Variants in UBE2E2 observed in about 807,000 individuals in gnomAD.
UBE2E2 encodes ubiquitin conjugating enzyme E2 E2.
A neutral mutation model predicts 24.7 loss-of-function variants in UBE2E2; 6 were observed. The ratio of observed to expected loss-of-function variants is 0.24; its 90% CI spans 0.13 to 0.48. The LOEUF is 0.48. Among genes scored for constraint, UBE2E2 ranks in the 20% least tolerant of loss-of-function variants. The probability of loss-of-function intolerance (pLI) is 0.99; values close to 1 mark genes in which losing one functional copy is unlikely to be tolerated. For missense variants in UBE2E2, 169 were observed against 245.0 expected, an observed-to-expected ratio of 0.69 and a Z score of 2.07; for synonymous variants, 104 against 83.6, an observed-to-expected ratio of 1.24 and a Z score of -1.33.
chr3:23,259,231 G>A (rs1697831757), intron 3 of UBE2E2, among the ~76,000 whole-genome samples: 1 of 152,114 alleles, frequency 6.6e-6, no homozygotes, highest in Non-Finnish European at 1.5e-5. Context: ...ATATGTGTGT[G>A]TGCGTTTGTG....
At chr3:23,297,383 C>G (rs1023859844) in intron 3 of UBE2E2, among the ~76,000 whole-genome samples, 5 of 151,660 alleles carry the variant, frequency 3.3e-5, no homozygotes, top group Admixed American at 2.0e-4. Context: ...AAGTCCTTGC[C>G]CATGCCTATG....
chr3:23,440,230 C>T (rs865951070), intron 3 of UBE2E2, among the ~76,000 whole-genome samples: 2 of 152,028 alleles, frequency 1.3e-5, no homozygotes, highest in East Asian at 1.9e-4. Context: ...GCCAAGATCA[C>T]GCCACTGCAC....
chr3:23,571,256 G>GTCC (rs1342892413), intron 5 of UBE2E2, among the ~76,000 whole-genome samples: 1 of 101,296 alleles, frequency 9.9e-6, no homozygotes, highest in Non-Finnish European at 2.2e-5. Flanking sequence ...TGCTATCAGA[G>GTCC]TCCCCTCACC....
intron 3 of UBE2E2, among the ~76,000 whole-genome samples, chr3:23,353,108 A>T (rs1199824496): frequency 1.3e-5 from 2 of 152,250 alleles, no homozygotes; most frequent in East Asian, 1.9e-4. Flanking sequence ...GTACTCCAGC[A>T]TATAAACAGA....
intron 3 of UBE2E2, among the ~76,000 whole-genome samples, chr3:23,388,002 A>G (rs1216696328): frequency 1.3e-5 from 2 of 152,206 alleles, no homozygotes; most frequent in African/African-American, 4.8e-5. Context: ...ATTAAAGAGG[A>G]CAAAAAAATT....
chr3:23,508,910 C>T (rs1694519614), intron 4 of UBE2E2, among the ~76,000 whole-genome samples: 1 of 152,122 alleles, frequency 6.6e-6, no homozygotes, highest in Admixed American at 6.6e-5. Flanking sequence ...GCCTTCAGGG[C>T]TCAGAAAAGG....
intron 3 of UBE2E2, among the ~76,000 whole-genome samples, chr3:23,475,366 A>G (rs564401397): frequency 6.6e-6 from 1 of 152,116 alleles, no homozygotes; most frequent in East Asian, 1.9e-4. Context: ...TGGACATGCT[A>G]CAAGTCCTCC....
chr3:23,467,893 A>T (rs1029704869), intron 3 of UBE2E2, among the ~76,000 whole-genome samples: 1 of 152,142 alleles, frequency 6.6e-6, no homozygotes, highest in Non-Finnish European at 1.5e-5. Flanking sequence ...CCTGCAGGAG[A>T]GAGACAGTGA....
At chr3:23,552,878 A>C (rs1695675941) in intron 5 of UBE2E2, among the ~76,000 whole-genome samples, 1 of 152,246 alleles carries the variant, frequency 6.6e-6, no homozygotes, top group Non-Finnish European at 1.5e-5. Context: ...TGCTGTTTTC[A>C]ATCCAGTCTA....
intron 3 of UBE2E2, among the ~76,000 whole-genome samples, chr3:23,301,510 C>T (rs921507119): frequency 6.6e-6 from 1 of 152,218 alleles, no homozygotes; most frequent in Non-Finnish European, 1.5e-5. Context: ...AGTCAGGACC[C>T]TCAGCCGCAG....
At chr3:23,381,885 G>A (rs931660982) in intron 3 of UBE2E2, among the ~76,000 whole-genome samples, 1 of 152,178 alleles carries the variant, frequency 6.6e-6, no homozygotes, top group African/African-American at 2.4e-5. Context: ...GCCCCGGAGA[G>A]TGGAGAAGGA....
chr3:23,417,458 A>G (rs1321154103), intron 3 of UBE2E2, among the ~76,000 whole-genome samples: 2 of 152,120 alleles, frequency 1.3e-5, no homozygotes, highest in Non-Finnish European at 2.9e-5. Context: ...GATGCCAGCC[A>G]GAGCTCTTCT....
intron 3 of UBE2E2, among the ~76,000 whole-genome samples, chr3:23,354,188 A>T (rs934478120): frequency 3.3e-5 from 5 of 152,100 alleles, no homozygotes; most frequent in Non-Finnish European, 7.4e-5. Flanking sequence ...AGCCATATGT[A>T]GAAAGCTGAA....
At chr3:23,400,641 C>CACACACAT (rs954347007) in intron 3 of UBE2E2, among the ~76,000 whole-genome samples, 1 of 149,914 alleles carries the variant, frequency 6.7e-6, no homozygotes, top group African/African-American at 2.5e-5. Context: ...CACACACACA[C>CACACACAT]ATCTCAGGCC....
intron 3 of UBE2E2, among the ~76,000 whole-genome samples, chr3:23,496,376 T>C (rs1257379722): frequency 6.6e-6 from 1 of 152,112 alleles, no homozygotes; most frequent in African/African-American, 2.4e-5. Context: ...CCCAGAACCA[T>C]TGAAACTCCA....
intron 3 of UBE2E2, among the ~76,000 whole-genome samples, chr3:23,402,535 G>C (rs1475047735): frequency 6.6e-6 from 1 of 152,118 alleles, no homozygotes; most frequent in Non-Finnish European, 1.5e-5. Flanking sequence ...CTGATATTTA[G>C]TTGCTAGCCC....
At chr3:23,363,404 A>G (rs1383835244) in intron 3 of UBE2E2, among the ~76,000 whole-genome samples, 1 of 152,246 alleles carries the variant, frequency 6.6e-6, no homozygotes, top group Non-Finnish European at 1.5e-5. Flanking sequence ...TACAGGACTC[A>G]TCTCACATGC....
intron 3 of UBE2E2, among the ~76,000 whole-genome samples, chr3:23,268,803 T>C (rs1310269521): frequency 6.6e-6 from 1 of 150,856 alleles, no homozygotes; most frequent in African/African-American, 2.4e-5. Context: ...CTTCAAACTA[T>C]ACTACAAGGC....
intron 3 of UBE2E2, among the ~76,000 whole-genome samples, chr3:23,382,269 C>T (rs1378702638): frequency 6.6e-6 from 1 of 150,672 alleles, no homozygotes; most frequent in Non-Finnish European, 1.5e-5. Flanking sequence ...GCAGCCACCA[C>T]CTATCGGGTT....
Sources: allele counts gnomAD v4.1 joint callset (sites outside exome capture counted in the v4.1 genomes callset), GRCh38; gene constraint gnomAD v4.1.1; transcripts MANE v1.5; gene names NCBI Gene and HGNC (gene_info 2026-07-23, HGNC 2026-07-21).